The following CNTNAP2 variants were observed in gnomAD, a reference collection of about 807,000 sequenced individuals.
The protein encoded by CNTNAP2 is contactin-associated protein-like 2.
Under a neutral mutation model 155.2 loss-of-function variants are expected in CNTNAP2, and 98 were observed. The observed-to-expected ratio is 0.63, with a 90% CI of 0.54 to 0.75. The LOEUF is 0.75. Among genes scored for constraint, CNTNAP2 ranks in the 30% least tolerant of loss-of-function variants. The pLI, the probability that CNTNAP2 is intolerant of heterozygous loss-of-function variation, is 0.00. For missense variants in CNTNAP2, 1,727 were observed against 1,688.1 expected (o/e 1.02, Z -0.40); for synonymous variants, 651 against 631.2 (o/e 1.03, Z -0.47).
chr7:147,017,461 A>T (rs1584785556), intron 3 of CNTNAP2, among the ~76,000 whole-genome samples: 1 of 152,168 alleles, frequency 6.6e-6, no homozygotes, highest in East Asian at 1.9e-4. Context: ...ATAACTGCCT[A>T]CCTTACCTAC....
intron 13 of CNTNAP2, among the ~76,000 whole-genome samples, chr7:147,831,510 C>T (rs1433530647): frequency 6.6e-6 from 1 of 152,126 alleles, no homozygotes; most frequent in African/African-American, 2.4e-5. Flanking sequence ...ATGTCACAAG[C>T]AATGCTTGCA....
At chr7:147,247,339 C>G (rs1010664329) in intron 8 of CNTNAP2, among the ~76,000 whole-genome samples, 1 of 152,172 alleles carries the variant, frequency 6.6e-6, no homozygotes, top group Non-Finnish European at 1.5e-5. Context: ...CCAGCATTAA[C>G]TATAATGCCC....
chr7:146,642,333 A>G (rs1030927579), intron 1 of CNTNAP2, among the ~76,000 whole-genome samples: 14 of 122,136 alleles, frequency 1.1e-4, no homozygotes, highest in Admixed American at 6.5e-4. Flanking sequence ...AACAGTCCAC[A>G]GAGTGTGATG....
At chr7:148,127,408 T>G in intron 16 of CNTNAP2, among the ~76,000 whole-genome samples, 1 of 152,240 alleles carries the variant, frequency 6.6e-6, no homozygotes, top group Admixed American at 6.5e-5. Context: ...GAAACTGTTG[T>G]AATACTTTAA....
chr7:147,003,336 C>T (rs570083271), intron 3 of CNTNAP2, among the ~76,000 whole-genome samples: 1 of 137,764 alleles, frequency 7.3e-6, no homozygotes, highest in Non-Finnish European at 1.6e-5. Context: ...GGCAAACCAA[C>T]CCCCCCCAAA....
intron 1 of CNTNAP2, among the ~76,000 whole-genome samples, chr7:146,486,616 T>C (rs939358122): frequency 6.6e-6 from 1 of 152,046 alleles, no homozygotes; most frequent in Admixed American, 6.5e-5. Context: ...TGGCCAGTCA[T>C]GAAATAACAG....
At chr7:146,500,233 G>GATTAT (rs1563108736) in intron 1 of CNTNAP2, among the ~76,000 whole-genome samples, 15 of 152,160 alleles carry the variant, frequency 9.9e-5, no homozygotes, top group African/African-American at 3.4e-4. Flanking sequence ...TACCAACACA[G>GATTAT]GGGTTCGGGC....
At chr7:147,948,008 G>A (rs941377418) in intron 14 of CNTNAP2, among the ~76,000 whole-genome samples, 2 of 151,940 alleles carry the variant, frequency 1.3e-5, no homozygotes, top group Non-Finnish European at 2.9e-5. Context: ...TTTCTGTACA[G>A]AATTTTTTTA....
chr7:147,665,115 A>AC (rs1256696998), intron 13 of CNTNAP2, among the ~76,000 whole-genome samples: 1 of 152,048 alleles, frequency 6.6e-6, no homozygotes, highest in Non-Finnish European at 1.5e-5. Context: ...GCCCCAATGA[A>AC]CCCCTTATAA....
chr7:146,212,284 G>A (rs1799046483), intron 1 of CNTNAP2, among the ~76,000 whole-genome samples: 1 of 152,156 alleles, frequency 6.6e-6, no homozygotes, highest in Non-Finnish European at 1.5e-5. Context: ...TGAACTATTT[G>A]ACTTACTAAA....
intron 5 of CNTNAP2, among the ~76,000 whole-genome samples, chr7:147,110,418 G>A (rs1269409695): frequency 6.6e-6 from 1 of 150,492 alleles, no homozygotes; most frequent in African/African-American, 2.4e-5. Context: ...GTACAACTTT[G>A]TTACATAGGT....
At chr7:147,728,464 G>A (rs978225150) in intron 13 of CNTNAP2, among the ~76,000 whole-genome samples, 1 of 151,996 alleles carries the variant, frequency 6.6e-6, no homozygotes, top group African/African-American at 2.4e-5. Flanking sequence ...GGTTACCAGT[G>A]TCCATTTAGC....
chr7:147,609,882 G>A lies in CNTNAP2; in HGVS notation c.1898-29224G>A, dbSNP rs185360874. The stretch of plus-strand genomic sequence containing the variant: ...GAGTGGATATAGTCAAAATTTAGGG[G>A]AGAGTAAATAAATTCGGGGAAAGAC... On this transcript the variant is annotated intron_variant, in intron 12 of 23. Transcript: ENST00000361727. Among the ~76,000 whole-genome samples, 527 of 152,096 alleles carry A rather than the reference G, an allele frequency of 3.5e-3. 4 individuals are homozygous for A. The highest frequency in any genetic ancestry group is 0.012 in the African/African-American group (510 of 41,480).
chr7:146,215,359 T>C (rs954029229), intron 1 of CNTNAP2, among the ~76,000 whole-genome samples: 1 of 152,184 alleles, frequency 6.6e-6, no homozygotes, highest in Non-Finnish European at 1.5e-5. Context: ...GAAGGATATA[T>C]TGAACTGCAT....
At chr7:147,284,170 T>C (rs934150415) in intron 8 of CNTNAP2, among the ~76,000 whole-genome samples, 4 of 151,774 alleles carry the variant, frequency 2.6e-5, no homozygotes, top group Non-Finnish European at 4.4e-5. Flanking sequence ...CGTGTTTTTT[T>C]CCCCCCAAAT....
At chr7:147,224,304 C>T (rs1400569003) in intron 8 of CNTNAP2, among the ~76,000 whole-genome samples, 2 of 152,124 alleles carry the variant, frequency 1.3e-5, no homozygotes, top group Non-Finnish European at 2.9e-5. Context: ...TATGGCTTTA[C>T]ATTTTTAAAT....
At chr7:148,127,233 A>G (rs1407448517) in intron 16 of CNTNAP2, among the ~76,000 whole-genome samples, 1 of 152,172 alleles carries the variant, frequency 6.6e-6, no homozygotes, top group Non-Finnish European at 1.5e-5. Context: ...TGAATCCAGG[A>G]GGCTGAGATT....
intron 3 of CNTNAP2, among the ~76,000 whole-genome samples, chr7:147,004,191 T>A (rs1798480958): frequency 2.9e-5 from 3 of 104,924 alleles, no homozygotes; most frequent in Admixed American, 1.9e-4. Context: ...TCAATAATAT[T>A]AAAACTTAAA....
At chr7:148,147,458 T>A in intron 16 of CNTNAP2, 33 bp from the exon 17 acceptor site, 1 of 1,593,700 alleles carries the variant, frequency 6.3e-7, no homozygotes, top group South Asian at 1.1e-5. Context: ...GGGAGAAAAA[T>A]ACTCATGTTT....
Sources: allele counts gnomAD v4.1 joint callset (sites outside exome capture counted in the v4.1 genomes callset), GRCh38; gene constraint gnomAD v4.1.1; transcripts MANE v1.5; gene names NCBI Gene and HGNC (gene_info 2026-07-23, HGNC 2026-07-21).